The following ANTXR1 variants were observed in gnomAD, a reference collection of about 807,000 sequenced individuals.
ANTXR1 encodes the protein anthrax toxin receptor 1.
In ANTXR1, 19 loss-of-function variants were observed where a neutral mutation model predicts 78.1. The observed-to-expected ratio is 0.24, with a 90% confidence interval of 0.17 to 0.36. ANTXR1 has a LOEUF of 0.36. Among genes scored for constraint, ANTXR1 ranks in the 10% least tolerant of loss-of-function variants. The pLI is 1.00. For synonymous variants in ANTXR1, 273 were observed against 260.5 expected (o/e 1.05, Z -0.46); for missense variants, 518 against 718.6 (o/e 0.72, Z 3.19).
At position 69,131,353 on chromosome 2, in the gene ANTXR1, C is replaced by T. The variant is rs925833100; in HGVS notation, c.951+6710C>T. ...TCACTTCCTCCTCTCATGCAAAGGC[C>T]TGGAGAGCCACAGACTTGTTCATTA... On this transcript the variant is annotated intron_variant, in intron 12 of 17. Coordinates refer to ENST00000303714, the MANE Select transcript of ANTXR1 (RefSeq NM_032208.3). 2.0e-5 allele frequency among the ~76,000 whole-genome samples: 3 copies of T among 152,146 alleles called. No individual in the cohort carries two copies. In the South Asian group the frequency reaches 6.2e-4, roughly 32 times the overall value.
At chr2:69,085,854 C>G (rs776516765) in intron 8 of ANTXR1, among the ~76,000 whole-genome samples, 6 of 152,194 alleles carry the variant, frequency 3.9e-5, no homozygotes, top group Non-Finnish European at 8.8e-5. Flanking sequence ...TGGAGAGTGA[C>G]AGAGAGAGCA....
At chr2:69,075,967 G>A (rs1020338031) in intron 7 of ANTXR1, among the ~76,000 whole-genome samples, 6 of 152,040 alleles carry the variant, frequency 3.9e-5, no homozygotes, top group Non-Finnish European at 8.8e-5. Context: ...TGTGTTTTGA[G>A]ACAGAGTCTC....
At chr2:69,217,410 A>G (rs1675204606) in intron 17 of ANTXR1, among the ~76,000 whole-genome samples, 1 of 152,336 alleles carries the variant, frequency 6.6e-6, no homozygotes, top group Admixed American at 6.5e-5. Context: ...TTCTGTATCA[A>G]CAACATCAAC....
intron 10 of ANTXR1, among the ~76,000 whole-genome samples, chr2:69,110,950 C>G (rs1026368305): frequency 6.6e-6 from 1 of 152,172 alleles, no homozygotes; most frequent in East Asian, 1.9e-4. Context: ...GAAAGATACT[C>G]ATCAAAATGT....
Position 69,060,007 on chromosome 2 carries a change from T to C in ANTXR1, c.297-10640T>C, listed in dbSNP as rs535831608. On this transcript the variant is annotated intron_variant, in intron 3 of 17. Transcript: ENST00000303714. ...GAGTTTGGACAAATTCATCTTGTCC[T>C]GTGATTAAACCATCCCTCTTGTCTT... Among the ~76,000 whole-genome samples the C allele has an allele frequency of 3.9e-5, 6 of 152,366 alleles. No individual in the cohort carries two copies. In the South Asian group the frequency reaches 1.0e-3, roughly 26 times the overall value.
chr2:69,174,886 A>G (rs1674078890), intron 14 of ANTXR1, among the ~76,000 whole-genome samples: 1 of 152,186 alleles, frequency 6.6e-6, no homozygotes, highest in Admixed American at 6.5e-5. Flanking sequence ...GCTATTATGA[A>G]CCCCTACCTT....
At chr2:69,177,827 A>T (rs574367271) in intron 14 of ANTXR1, among the ~76,000 whole-genome samples, 1 of 151,412 alleles carries the variant, frequency 6.6e-6, no homozygotes, top group Admixed American at 6.6e-5. Context: ...CACCCCCACC[A>T]CTCGGGGGGA....
intron 3 of ANTXR1, among the ~76,000 whole-genome samples, chr2:69,069,764 G>A (rs935320740): frequency 6.6e-5 from 10 of 152,132 alleles, no homozygotes; most frequent in African/African-American, 2.4e-4. Flanking sequence ...CTCAATAAAT[G>A]TTAGATTTTT....
intron 13 of ANTXR1, among the ~76,000 whole-genome samples, chr2:69,155,396 A>G (rs1673495313): frequency 6.6e-6 from 1 of 152,134 alleles, no homozygotes. Context: ...GCATTTTCAA[A>G]TAGGTAATTC....
intron 1 of ANTXR1, among the ~76,000 whole-genome samples, chr2:69,029,431 G>A (rs1671459559): frequency 6.6e-6 from 1 of 151,226 alleles, no homozygotes; most frequent in Non-Finnish European, 1.5e-5. Flanking sequence ...CAGAAAGATT[G>A]GAGTCTTTAG....
chr2:69,025,218 C>T (rs370335803), intron 1 of ANTXR1, among the ~76,000 whole-genome samples: 235 of 152,132 alleles, frequency 1.5e-3, no homozygotes, highest in African/African-American at 5.3e-3. Context: ...TTACTAGTTG[C>T]GGGCTCCCTG....
chr2:69,102,085 C>T (rs1283161873), intron 9 of ANTXR1, among the ~76,000 whole-genome samples: 8 of 152,188 alleles, frequency 5.3e-5, no homozygotes, highest in Non-Finnish European at 1.0e-4. Flanking sequence ...ATGAGTACTA[C>T]ACTGAGGGGC....
chr2:69,241,849 G>A (rs1002614576), intron 17 of ANTXR1, among the ~76,000 whole-genome samples: 1 of 152,128 alleles, frequency 6.6e-6, no homozygotes, highest in African/African-American at 2.4e-5. Flanking sequence ...CAATGCGCCA[G>A]GCACTGTTCC....
chr2:69,151,965 A>C (rs1459386678), intron 12 of ANTXR1, among the ~76,000 whole-genome samples: 1 of 152,212 alleles, frequency 6.6e-6, no homozygotes, highest in African/African-American at 2.4e-5. Flanking sequence ...TGAAAAGATA[A>C]ATTCATTTCC....
At chr2:69,021,034 A>C (rs1671174047) in intron 1 of ANTXR1, among the ~76,000 whole-genome samples, 1 of 152,234 alleles carries the variant, frequency 6.6e-6, no homozygotes, top group African/African-American at 2.4e-5. Flanking sequence ...TAAAGGCTTC[A>C]GTGAGGATTT....
At chr2:69,061,663 G>A (rs1352304711) in intron 3 of ANTXR1, among the ~76,000 whole-genome samples, 1 of 152,170 alleles carries the variant, frequency 6.6e-6, no homozygotes, top group East Asian at 1.9e-4. Flanking sequence ...CAAGGAGTGA[G>A]GAGACAAGTT....
chr2:69,141,237 A>C (rs1482035782), intron 12 of ANTXR1, among the ~76,000 whole-genome samples: 1 of 152,220 alleles, frequency 6.6e-6, no homozygotes, highest in African/African-American at 2.4e-5. Context: ...ACGTAGAAGG[A>C]AAGGGAGGAT....
At position 69,036,769 on chromosome 2, in the gene ANTXR1, G is replaced by T. The variant is rs548040833; in HGVS notation, c.153-3275G>T. On this transcript the variant is annotated intron_variant, in intron 1 of 17. Transcript: ENST00000303714. The stretch of plus-strand genomic sequence containing the variant: ...GTTGTAGAATTCTGGATTGGCAATG[G>T]CTTATAGGCAGTCATGTGGCATATC... Among the ~76,000 whole-genome samples, 7 of 152,294 alleles carry T rather than the reference G, an allele frequency of 4.6e-5. No individual in the cohort carries two copies. In the South Asian group the frequency reaches 1.4e-3, roughly 32 times the overall value.
chr2:69,061,514 A>G (rs1468935798), intron 3 of ANTXR1, among the ~76,000 whole-genome samples: 1 of 152,148 alleles, frequency 6.6e-6, no homozygotes, highest in Non-Finnish European at 1.5e-5. Context: ...CCAAAAAAAA[A>G]AAAAAAGCTG....
Sources: gnomAD v4.1 joint callset for allele counts (sites outside exome capture counted in the v4.1 genomes callset) on GRCh38, gnomAD v4.1.1 for gene constraint, MANE v1.5 for transcripts, NCBI Gene and HGNC (gene_info 2026-07-23, HGNC 2026-07-21) for gene names.